Variants in WBP2NL observed in about 807,000 individuals in gnomAD.
WBP2NL encodes the protein postacrosomal sheath WW domain-binding protein.
WBP2NL carries 27 observed loss-of-function variants against 23.3 expected under a neutral mutation model. The observed-to-expected ratio is 1.16, with a 90% CI of 0.85 to 1.60. The LOEUF (loss-of-function observed/expected upper bound fraction) is 1.60. Among genes scored for constraint, WBP2NL ranks in the 40% most tolerant of loss-of-function variants. WBP2NL has a pLI of 0.00. For synonymous variants in WBP2NL, 151 were observed against 145.9 expected, an observed-to-expected ratio of 1.03 and a Z score of -0.25; for missense variants, 370 against 389.5, an observed-to-expected ratio of 0.95 and a Z score of 0.42.
intron 8 of WBP2NL, among the ~76,000 whole-genome samples, chr22:42,048,070 G>A (rs989307570): frequency 7.2e-5 from 11 of 152,066 alleles, no homozygotes; most frequent in African/African-American, 2.7e-4. Context: ...ATTTATCCAG[G>A]TGTGCAGAAC....
intron 1 of WBP2NL, among the ~76,000 whole-genome samples, chr22:42,009,661 G>A (rs914837985): frequency 8.5e-5 from 13 of 152,246 alleles, no homozygotes; most frequent in Admixed American, 5.9e-4. Context: ...TTCTATTCTA[G>A]TCCATTGGTT....
chr22:42,031,220 T>G (rs1924922036), downstream of WBP2NL: 1 of 152,174 alleles, frequency 6.6e-6, no homozygotes, highest in East Asian at 1.9e-4. Flanking sequence ...TACAGTTGTT[T>G]CCCCCAAAGG....
chr22:41,998,835 G>C lies in WBP2NL; in HGVS notation c.17G>C (p.Ser6Thr). Reference sequence around the variant, plus strand: ...CGAAGCAAGATGGCGGTGAATCAGAGCCACACCGAGAACCGCCGCGGAGCC... The same window carrying C: ...CGAAGCAAGATGGCGGTGAATCAGACCCACACCGAGAACCGCCGCGGAGCC... MAVNQ[S>T]HTENRRGALI... The change falls in exon 1 of 6, where the codon AGC becomes ACC. Residue 6 changes from serine (S) to threonine (T), a missense_variant. Ser to Thr is a moderately conservative substitution (Grantham distance 58, BLOSUM62 1). Coordinates refer to ENST00000328823, the MANE Select transcript of WBP2NL (RefSeq NM_152613.3). 6.2e-7 allele frequency: 1 copy of C among 1,612,112 alleles called. No homozygotes were observed. Among genetic ancestry groups the C allele is most frequent in the Non-Finnish European group, 8.5e-7 (1 of 1,178,852 alleles).
At chr22:42,057,826 CATATATATAT>C (rs3045495) in intron 8 of WBP2NL, among the ~76,000 whole-genome samples, 2 of 98,158 alleles carry the variant, frequency 2.0e-5, no homozygotes, top group African/African-American at 8.2e-5. Flanking sequence ...GTATTAAGGT[CATATATATAT>C]ATATATATAT....
At chr22:42,004,177 C>T (rs1235429909) in intron 1 of WBP2NL, among the ~76,000 whole-genome samples, 1 of 152,084 alleles carries the variant, frequency 6.6e-6, no homozygotes. Flanking sequence ...GAGGCTAAGG[C>T]AGGAGAATTG....
intron 1 of WBP2NL, among the ~76,000 whole-genome samples, chr22:42,014,405 T>C (rs1311674541): frequency 1.3e-5 from 2 of 152,102 alleles, no homozygotes; most frequent in Non-Finnish European, 2.9e-5. Context: ...TTTTGTATTC[T>C]TTGTAGAGAT....
Position 42,026,909 on chromosome 22 carries a change from C to A in WBP2NL, c.658C>A (p.Pro220Thr). ...AGCCTCACCTGTGCGATATGGAGCCCCACCTCTTGGATACGGAGCCCCACC... is the reference window on the plus strand; with the variant it reads ...AGCCTCACCTGTGCGATATGGAGCCACACCTCTTGGATACGGAGCCCCACC... ...YRASPVRYGAPPLGYGAPPAG... is the reference protein window; with the variant it reads ...YRASPVRYGATPLGYGAPPAG... The change falls in exon 6 of 6, where the codon CCA becomes ACA. Residue 220 changes from proline to threonine, a missense_variant. Coordinates refer to ENST00000328823, the MANE Select transcript of WBP2NL (RefSeq NM_152613.3). 1.2e-6 allele frequency: 2 copies of A among 1,610,866 alleles called. No homozygotes were observed. Among genetic ancestry groups the A allele is most frequent in the Non-Finnish European group, 1.7e-6 (2 of 1,179,204 alleles).
At chr22:42,018,106 G>A (rs1249193688) in intron 1 of WBP2NL, among the ~76,000 whole-genome samples, 1 of 149,304 alleles carries the variant, frequency 6.7e-6, no homozygotes, top group Non-Finnish European at 1.5e-5. Context: ...CCGAGATCGA[G>A]CCATTGCACT....
intron 1 of WBP2NL, among the ~76,000 whole-genome samples, chr22:42,004,794 GATAC>G (rs1922054139): frequency 3.3e-5 from 5 of 152,138 alleles, no homozygotes; most frequent in Admixed American, 2.6e-4. Context: ...GTGTGGTGGT[GATAC>G]CTGTAATCCC....
intron 1 of WBP2NL, among the ~76,000 whole-genome samples, chr22:42,004,882 C>T (rs537446576): frequency 6.6e-6 from 1 of 151,992 alleles, no homozygotes; most frequent in Admixed American, 6.6e-5. Context: ...CAAGATCACA[C>T]CATTGCATTC....
intron 8 of WBP2NL, among the ~76,000 whole-genome samples, chr22:42,052,989 C>A (rs1426879805): frequency 6.6e-6 from 1 of 152,192 alleles, no homozygotes; most frequent in Non-Finnish European, 1.5e-5. Context: ...TTAGCAATCA[C>A]TTCTCATTTC....
In WBP2NL at chr22:42,027,141, C is replaced by A. The variant is rs201981517; in HGVS notation, c.890C>A (p.Ala297Asp). 1 of 1,613,922 alleles carries A rather than the reference C, an allele frequency of 6.2e-7. No homozygotes were observed. Among genetic ancestry groups the A allele is most frequent in the East Asian group, 2.2e-5 (1 of 44,894 alleles). ...STAAQAPENE[A>D]SLPSASSSQV... ...GCAGCCCAGGCTCCTGAAAACGAGG[C>A]TTCTCTTCCCTCTGCCTCCTCTTCT... Residue 297 changes from alanine (A) to aspartate (D), a missense_variant, in exon 6 of 6, where the codon GCT becomes GAT. By Grantham distance (126) the Ala-to-Asp change is moderately radical. Coordinates refer to ENST00000328823, the MANE Select transcript of WBP2NL (RefSeq NM_152613.3).
intron 5 of WBP2NL, among the ~76,000 whole-genome samples, chr22:42,023,980 G>A (rs972204352): frequency 6.6e-6 from 1 of 152,130 alleles, no homozygotes; most frequent in Admixed American, 6.6e-5. Flanking sequence ...TAGCCACTAA[G>A]AAGTTATTCC....
At chr22:42,024,587 G>A (rs1409696873) in intron 5 of WBP2NL, among the ~76,000 whole-genome samples, 1 of 151,836 alleles carries the variant, frequency 6.6e-6, no homozygotes, top group Admixed American at 6.6e-5. Context: ...TTTCCTTAAT[G>A]ACTAATGATG....
In WBP2NL at chr22:42,043,037, AAAG is replaced by A. The variant is rs1256990249; in HGVS notation, c.*273+12215_*273+12217del. Among the ~76,000 whole-genome samples the A allele has an allele frequency of 2.5e-3, 386 of 151,658 alleles. 1 individual carries two copies. Among genetic ancestry groups the A allele is most frequent in the Non-Finnish European group, 4.4e-3 (298 of 67,850 alleles). On this transcript the variant is annotated intron_variant and NMD_transcript_variant, in intron 8 of 8. Coordinates refer to the WBP2NL transcript ENST00000436265. ...CCAAGAAAAAAAAAAAAAAAAAAAA[AAAG>A]GAGAAGAAGCAATCCATCTCTTCTA... is the stretch of plus-strand genomic sequence containing the variant.
At chr22:42,035,838 C>A (rs546147095), downstream of WBP2NL, among the ~76,000 whole-genome samples, 14 of 152,280 alleles carry the variant, frequency 9.2e-5, no homozygotes, top group East Asian at 2.5e-3. Flanking sequence ...CAGCCCCTGG[C>A]AACCACCATC....
At chr22:42,031,764 C>G (rs907388362), downstream of WBP2NL, 1 of 151,630 alleles carries the variant, frequency 6.6e-6, no homozygotes, top group African/African-American at 2.4e-5. Context: ...GGCGCGATCT[C>G]GGCTCACTGC....
chr22:42,020,303 G>T (rs1217200920), intron 4 of WBP2NL, among the ~76,000 whole-genome samples: 1 of 152,054 alleles, frequency 6.6e-6, no homozygotes, highest in Non-Finnish European at 1.5e-5. Flanking sequence ...GCCTCCCGAA[G>T]TGCTGGGGTT....
chr22:42,057,875 A>G (rs1387397349), intron 8 of WBP2NL, among the ~76,000 whole-genome samples: 67 of 12,284 alleles, frequency 5.5e-3, no homozygotes, highest in East Asian at 0.031. Context: ...GTATGTATAT[A>G]TATATATATA....
Sources: gnomAD v4.1 joint callset for allele counts (sites outside exome capture counted in the v4.1 genomes callset) on GRCh38, gnomAD v4.1.1 for gene constraint, MANE v1.5 for transcripts, NCBI Gene and HGNC (gene_info 2026-07-23, HGNC 2026-07-21) for gene names.